The following MPP7 variants were observed in gnomAD, a reference collection of about 807,000 sequenced individuals.
The protein encoded by MPP7 is MAGUK p55 subfamily member 7.
MPP7 carries 60 observed loss-of-function variants against 76.5 expected under a neutral mutation model. The ratio of observed to expected loss-of-function variants is 0.78; its 90% CI spans 0.64 to 0.97. The LOEUF (loss-of-function observed/expected upper bound fraction) is 0.97. MPP7 is among the 50% of genes least tolerant of loss of function. The pLI is 0.00. For synonymous variants in MPP7, 237 were observed against 244.5 expected (o/e 0.97, Z 0.29); for missense variants, 641 against 694.0 (o/e 0.92, Z 0.86).
intron 2 of MPP7, among the ~76,000 whole-genome samples, chr10:28,328,917 C>G (rs982018045): frequency 2.0e-5 from 3 of 152,142 alleles, no homozygotes; most frequent in African/African-American, 7.2e-5. Flanking sequence ...ACCATTATAG[C>G]TTTTATGTTG....
chr10:28,085,661 G>A (rs924869040), intron 12 of MPP7, among the ~76,000 whole-genome samples: 2 of 152,162 alleles, frequency 1.3e-5, no homozygotes, highest in Non-Finnish European at 2.9e-5. Flanking sequence ...TGCCACTTGG[G>A]AGCATCAGTA....
chr10:28,114,798 C>T (rs1288965105), intron 11 of MPP7, among the ~76,000 whole-genome samples: 1 of 152,162 alleles, frequency 6.6e-6, no homozygotes, highest in African/African-American at 2.4e-5. Context: ...ATACAAGAGA[C>T]AATAGGGCTG....
intron 15 of MPP7, chr10:28,057,921 G>A: frequency 8.7e-7 from 1 of 1,148,952 alleles, no homozygotes; most frequent in Non-Finnish European, 1.1e-6. Flanking sequence ...GAATTGAATG[G>A]CCTCATCCAC....
chr10:28,325,996 ATT>A (rs1564773353), intron 2 of MPP7, among the ~76,000 whole-genome samples: 1 of 146,248 alleles, frequency 6.8e-6, no homozygotes. Context: ...AAAAAAAAAA[ATT>A]CCTTAAAGAG....
chr10:28,244,581 A>G (rs1160748633), intron 1 of MPP7, among the ~76,000 whole-genome samples: 2 of 152,214 alleles, frequency 1.3e-5, no homozygotes, highest in Non-Finnish European at 1.5e-5. Flanking sequence ...TTAATATAAA[A>G]CCAACATATG....
chr10:28,333,046 G>A (rs1224054037), intron 1 of MPP7, among the ~76,000 whole-genome samples: 1 of 152,020 alleles, frequency 6.6e-6, no homozygotes, highest in African/African-American at 2.4e-5. Flanking sequence ...TCATGTCTGG[G>A]GACACAGGCT....
At chr10:28,264,051 C>T (rs1840068734) in intron 1 of MPP7, among the ~76,000 whole-genome samples, 2 of 152,144 alleles carry the variant, frequency 1.3e-5, no homozygotes, top group Admixed American at 6.5e-5. Context: ...AATCCCAGCA[C>T]TTTGGGAGGC....
intron 1 of MPP7, among the ~76,000 whole-genome samples, chr10:28,259,416 T>C (rs1404591319): frequency 1.3e-5 from 2 of 151,700 alleles, no homozygotes; most frequent in Non-Finnish European, 2.9e-5. Flanking sequence ...CTGTCTCTGA[T>C]AAAAATACAA....
At chr10:28,250,328 C>T (rs748876407) in intron 1 of MPP7, among the ~76,000 whole-genome samples, 3 of 152,120 alleles carry the variant, frequency 2.0e-5, no homozygotes, top group Non-Finnish European at 2.9e-5. Context: ...CTAAGATGGA[C>T]ATATGGGTAT....
intron 2 of MPP7, among the ~76,000 whole-genome samples, chr10:28,313,859 TTTTTTTTATTTTTTTTA>T (rs1287513796): frequency 4.4e-5 from 2 of 45,652 alleles, no homozygotes; most frequent in East Asian, 6.1e-4. Context: ...GCTAATTTTT[TTTTTTTTATTTTTTTTA>T]TTTTTTTTTG....
At chr10:28,117,965 G>A (rs369259015) in intron 11 of MPP7, 6 of 279,694 alleles carry the variant, frequency 2.1e-5, no homozygotes, top group African/African-American at 1.1e-4. Flanking sequence ...AGGAGGACCA[G>A]CAAACATTTC....
Position 28,054,074 on chromosome 10 carries a change from T to C in MPP7, c.1722A>G (p.Leu574=). 1 of 1,612,536 alleles carries C rather than the reference T, an allele frequency of 6.2e-7. No individual in the cohort carries two copies. The highest frequency in any genetic ancestry group is 8.5e-7 in the Non-Finnish European group (1 of 1,179,356). The part of the protein sequence containing the change: ...TETHWVPVSW[L]HS Reference sequence around the variant, plus strand: ...TGGAAATTTCTCTTAGTTATGAATGTAACCAGCTCACTGGCACCCAATGGG... The same window carrying C: ...TGGAAATTTCTCTTAGTTATGAATGCAACCAGCTCACTGGCACCCAATGGG... Residue 574 remains leucine, a synonymous_variant, in exon 17 of 17, where the codon TTA becomes TTG. Coordinates refer to ENST00000683449, the MANE Select transcript of MPP7 (RefSeq NM_001318170.2).
chr10:28,104,752 TAA>T (rs1175159273), intron 11 of MPP7, among the ~76,000 whole-genome samples: 3 of 152,178 alleles, frequency 2.0e-5, no homozygotes, highest in Non-Finnish European at 4.4e-5. Flanking sequence ...GTATTCTTTT[TAA>T]AAGTCTTTTT....
At chr10:28,235,020 G>A (rs558616186) in intron 2 of MPP7, among the ~76,000 whole-genome samples, 2 of 152,244 alleles carry the variant, frequency 1.3e-5, no homozygotes, top group East Asian at 3.9e-4. Flanking sequence ...ACGTTGCCCA[G>A]ACTGGTCTCA....
rs796411250 is a variant in MPP7 at position 28,278,829 on chromosome 10, GA to G, written c.-132+24031del. On this transcript the variant is annotated intron_variant, in intron 1 of 16. Coordinates refer to ENST00000683449, the MANE Select transcript of MPP7 (RefSeq NM_001318170.2). ...TCATTTATTCCATTTTTTTTAATCT[GA>G]AAAAAAAAAAACACCAAAATGTTAA... Among the ~76,000 whole-genome samples the G allele has an allele frequency of 1.8e-3, 222 of 121,154 alleles. 2 individuals carry two copies. The highest frequency in any genetic ancestry group is 4.1e-3 in the Admixed American group (48 of 11,758). The allele number at this position is 121,154 out of a possible 152,430, so 79.5% of individuals were successfully genotyped here. A position where few individuals can be genotyped will look rare whatever the true frequency, so the allele number is the denominator to read the frequency against.
chr10:28,161,773 T>C (rs78624976), intron 3 of MPP7, among the ~76,000 whole-genome samples: 2 of 152,212 alleles, frequency 1.3e-5, no homozygotes, highest in South Asian at 2.1e-4. Context: ...TTTCACTCAA[T>C]AGAAAATTCT....
At chr10:28,198,370 T>C (rs1837655945) in intron 3 of MPP7, among the ~76,000 whole-genome samples, 1 of 152,010 alleles carries the variant, frequency 6.6e-6, no homozygotes, top group Non-Finnish European at 1.5e-5. Context: ...TAGGTCAGGA[T>C]TCAAGACCAG....
intron 16 of MPP7, among the ~76,000 whole-genome samples, chr10:28,055,287 C>T (rs1851511998): frequency 6.6e-6 from 1 of 152,012 alleles, no homozygotes; most frequent in Non-Finnish European, 1.5e-5. Flanking sequence ...CATTGTATGA[C>T]AGTACCTACT....
chr10:28,249,463 C>A (rs1839542255), intron 1 of MPP7, among the ~76,000 whole-genome samples: 1 of 152,130 alleles, frequency 6.6e-6, no homozygotes, highest in South Asian at 2.1e-4. Context: ...GTGGCACACG[C>A]TTGTAGTCCC....
Sources: gnomAD v4.1 joint callset for allele counts (sites outside exome capture counted in the v4.1 genomes callset) on GRCh38, gnomAD v4.1.1 for gene constraint, MANE v1.5 for transcripts, NCBI Gene and HGNC (gene_info 2026-07-23, HGNC 2026-07-21) for gene names.